Variants in IRX3 observed in about 807,000 individuals in gnomAD.
The protein encoded by IRX3 is iroquois-class homeodomain protein IRX-3.
A neutral mutation model predicts 36.4 loss-of-function variants in IRX3; 20 were observed. The ratio of observed to expected loss-of-function variants is 0.55; its 90% CI spans 0.39 to 0.80. The LOEUF (loss-of-function observed/expected upper bound fraction) is 0.80. Ranked by LOEUF, IRX3 falls within the 30% of genes least tolerant of loss-of-function variation. The pLI is 0.00. For missense variants in IRX3, 718 were observed against 733.2 expected (o/e 0.98, Z 0.24); for synonymous variants, 404 against 351.6 (o/e 1.15, Z -1.67).
chr16:54,285,179 C>G lies in IRX3; in HGVS notation c.702G>C (p.Gly234=), dbSNP rs755090625. 1.9e-6 allele frequency: 3 copies of G among 1,603,418 alleles called. No homozygotes were observed. In the South Asian group the frequency reaches 3.3e-5, roughly 18 times the overall value. The change falls in exon 2 of 4, where the codon GGG becomes GGC. Residue 234 remains glycine, a synonymous_variant. Transcript: ENST00000329734. The surrounding 1 kb of genome is among the most constrained non-coding windows in gnomAD (Gnocchi z 5.7). ...CGCCCCCCGTGTCCTCCTCCTCCCC[C>G]CCGAGCTCCTCCTCCTCCAGCTCTA... ...RELELEEEEL[G]GEEEDTGGEG...
chr16:54,285,184 G>A lies in IRX3; in HGVS notation c.697C>T (p.Leu233Phe), dbSNP rs1211692711. ...KRELELEEEE[L>F]GGEEEDTGGE... ...CCCGTGTCCTCCTCCTCCCCCCCGA[G>A]CTCCTCCTCCTCCAGCTCTAGCTCG... is the stretch of plus-strand genomic sequence containing the variant. The change falls in exon 2 of 4, where the codon CTC becomes TTC. Residue 233 changes from leucine (L) to phenylalanine (F), a missense_variant. This residue lies in a region of IRX3 where 468 missense variants were observed against 462.1 expected (regional missense o/e 1.01). Transcript: ENST00000329734. The surrounding 1 kb of genome is among the most constrained non-coding windows in gnomAD (Gnocchi z 5.7). 1 of 1,599,870 alleles carries A rather than the reference G, an allele frequency of 6.3e-7. No individual in the cohort carries two copies. Among genetic ancestry groups the A allele is most frequent in the Non-Finnish European group, 8.5e-7 (1 of 1,173,292 alleles).
Position 54,285,556 on chromosome 16 carries a change from C to A in IRX3, c.325G>T (p.Ala109Ser), listed in dbSNP as rs780709013. Residue 109 changes from alanine (A) to serine (S), a missense_variant, in exon 2 of 4, where the codon GCG becomes TCG. By Grantham distance (99) the Ala-to-Ser change is moderately conservative (BLOSUM62 1). Transcript: ENST00000329734. This position sits in a 1 kb window ranked among gnomAD's most constrained non-coding sequence, Gnocchi z 5.7. ...AAGGCGGGGTGCGGGTGCGGAAACG[C>A]GGCAGCCGCGGCCGGATGCTGCACC... ...PGVQHPAAAA[A>S]FPHPHPAFYP... The A allele has an allele frequency of 5.0e-6, 8 of 1,596,744 alleles. No individual in the cohort carries two copies. In the Admixed American group the frequency reaches 1.2e-4, roughly 24 times the overall value.
Position 54,284,921 on chromosome 16 carries a change from G to T in IRX3, c.960C>A (p.Ala320=), listed in dbSNP as rs749462155. Residue 320 remains alanine (A), a synonymous_variant, in exon 2 of 4, where the codon GCC becomes GCA. Transcript: ENST00000329734. This position sits in a 1 kb window ranked among gnomAD's most constrained non-coding sequence, Gnocchi z 4.0. ...LAPAPPPVAV[A]SPSLPSPPVS... ...CGGGGGGCGACGGCAGAGACGGCGA[G>T]GCCACGGCCACTGGTGGTGGCGCTG... 6.3e-7 allele frequency: 1 copy of T among 1,594,728 alleles called. No homozygotes were observed. Among genetic ancestry groups the T allele is most frequent in the Non-Finnish European group, 8.5e-7 (1 of 1,171,316 alleles).
rs1244484136 is a variant in IRX3 at position 54,286,273 on chromosome 16, C to T, written c.-223G>A. 7.0e-6 allele frequency: 7 copies of T among 1,002,260 alleles called. No homozygotes were observed. The highest frequency in any genetic ancestry group is 8.3e-6 in the Non-Finnish European group (7 of 841,562). 62.1% of individuals were successfully genotyped at this position (1,002,260 alleles called of 1,614,324 possible). A position where few individuals can be genotyped will look rare whatever the true frequency, so the allele number is the denominator to read the frequency against. The stretch of plus-strand genomic sequence containing the variant: ...GCCAGGTCAGGTCCGAACAGATTGG[C>T]GGAGATTCCCGGGGCTCCGGGCTCT... On this transcript the variant is annotated 5_prime_UTR_variant, in exon 1 of 4. Transcript: ENST00000329734.
rs753025533 is a variant in IRX3 at position 54,285,181 on chromosome 16, C to T, written c.700G>A (p.Gly234Arg). 8 of 1,602,828 alleles carry T rather than the reference C, an allele frequency of 5.0e-6. No homozygotes were observed. The highest frequency in any genetic ancestry group is 6.0e-6 in the Non-Finnish European group (7 of 1,174,666). ...RELELEEEEL[G>R]GEEEDTGGEG... ...CCCCCCGTGTCCTCCTCCTCCCCCC[C>T]GAGCTCCTCCTCCTCCAGCTCTAGC... is the stretch of plus-strand genomic sequence containing the variant. Residue 234 changes from glycine to arginine, a missense_variant, in exon 2 of 4, where the codon GGG becomes AGG. Around this residue, in one of 3 missense-constraint regions of IRX3, gnomAD observed 468 missense variants for 462.1 expected, o/e 1.01. Coordinates refer to ENST00000329734, the MANE Select transcript of IRX3 (RefSeq NM_024336.3). The surrounding 1 kb of genome is among the most constrained non-coding windows in gnomAD (Gnocchi z 5.7).
Position 54,284,945 on chromosome 16 carries a change from T to A in IRX3, c.936A>T (p.Pro312=), listed in dbSNP as rs371146591. 53 of 1,607,890 alleles carry A rather than the reference T, an allele frequency of 3.3e-5. No homozygotes were observed. The African/African-American group carries it at 7.0e-4, about 21-fold the overall frequency. The change falls in exon 2 of 4, where the codon CCA becomes CCT. Residue 312 remains proline (P), a synonymous_variant. Transcript: ENST00000329734. The surrounding 1 kb of genome is among the most constrained non-coding windows in gnomAD (Gnocchi z 4.0). ...AGGCCACGGCCACTGGTGGTGGCGCTGGAGCCAGACTCAGGACCGGTAGTG... is the reference window on the plus strand; with the variant it reads ...AGGCCACGGCCACTGGTGGTGGCGCAGGAGCCAGACTCAGGACCGGTAGTG... ...DRPLPVLSLA[P]APPPVAVASP... is the part of the protein sequence containing the mutation.
In IRX3 at chr16:54,283,976, A is replaced by G. The variant is rs150150836; in HGVS notation, c.1452-236T>C. 1.8e-3 allele frequency: 2,539 copies of G among 1,438,836 alleles called. 63 individuals are homozygous for G. The East Asian group carries it at 0.056, about 32-fold the overall frequency. The allele number at this position is 1,438,836 out of a possible 1,614,324, so 89.1% of individuals were successfully genotyped here. On this transcript the variant is annotated intron_variant, in intron 3 of 3. Coordinates refer to ENST00000329734, the MANE Select transcript of IRX3 (RefSeq NM_024336.3). This position sits in a 1 kb window ranked among gnomAD's most constrained non-coding sequence, Gnocchi z 4.4. ...GCGTCAGAGAACCGCCACCCGCCCC[A>G]GGGGCCTGTGGGCCCAGCCACGCAA... is the stretch of plus-strand genomic sequence containing the variant.
In IRX3 at chr16:54,285,692, T is replaced by C; in HGVS notation, c.268-79A>G. On this transcript the variant is annotated intron_variant, in intron 1 of 3. Transcript: ENST00000329734. The surrounding 1 kb of genome is among the most constrained non-coding windows in gnomAD (Gnocchi z 5.7). The stretch of plus-strand genomic sequence containing the variant: ...CCAGCCATCGCTGCCTCCCCCCTCC[T>C]GGCCTGCACCCCTCTAGTCCGGCCC... 7.5e-6 allele frequency: 11 copies of C among 1,461,214 alleles called. No homozygotes were observed. The highest frequency in any genetic ancestry group is 1.4e-5 in the South Asian group (1 of 70,210). 90.5% of individuals were successfully genotyped at this position (1,461,214 alleles called of 1,614,324 possible).
rs765428599 is a variant in IRX3 at position 54,285,266 on chromosome 16, A to G, written c.615T>C (p.Ala205=). Residue 205 remains alanine (A), a synonymous_variant, in exon 2 of 4, where the codon GCT becomes GCC. Transcript: ENST00000329734. This position sits in a 1 kb window ranked among gnomAD's most constrained non-coding sequence, Gnocchi z 5.7. ...PRSRTDEEGN[A]YGSEREEEDE... is the part of the protein sequence containing the mutation. ...CTTCCTCCTCGCGCTCGCTCCCATA[A>G]GCGTTTCCCTCCTCGTCAGTGCGGC... 1 of 1,613,238 alleles carries G rather than the reference A, an allele frequency of 6.2e-7. No homozygotes were observed. Among genetic ancestry groups the G allele is most frequent in the Non-Finnish European group, 8.5e-7 (1 of 1,179,844 alleles).
chr16:54,283,405 C>T lies in IRX3; in HGVS notation c.*281G>A, dbSNP rs376519502. The T allele has an allele frequency of 4.3e-4, 157 of 369,396 alleles. No homozygotes were observed. The South Asian group carries it at 4.7e-3, about 11-fold the overall frequency. 22.9% of individuals were successfully genotyped at this position (369,396 alleles called of 1,614,324 possible). A position where few individuals can be genotyped will look rare whatever the true frequency, so the allele number is the denominator to read the frequency against. The stretch of plus-strand genomic sequence containing the variant: ...GTACATTTCTCTGTATATATACACA[C>T]ACACAAAGGCAGACACGTTTATTCT... On this transcript the variant is annotated 3_prime_UTR_variant, in exon 4 of 4. Transcript: ENST00000329734. The surrounding 1 kb of genome is among the most constrained non-coding windows in gnomAD (Gnocchi z 4.4).
chr16:54,283,954 T>C lies in IRX3; in HGVS notation c.1452-214A>G, dbSNP rs1901241799. ...GTCTGGGGCTGGAAAGAGGTGGGCG[T>C]CAGAGAACCGCCACCCGCCCCAGGG... On this transcript the variant is annotated intron_variant, in intron 3 of 3. Transcript: ENST00000329734. This position sits in a 1 kb window ranked among gnomAD's most constrained non-coding sequence, Gnocchi z 4.4. The C allele has an allele frequency of 1.0e-6, 1 of 985,076 alleles. No individual in the cohort carries two copies. The highest frequency in any genetic ancestry group is 1.7e-5 in the African/African-American group (1 of 57,156). The allele number at this position is 985,076 out of a possible 1,614,324, so 61.0% of individuals were successfully genotyped here.
rs773727627 is a variant in IRX3, at chr16:54,285,218, G to T, written c.663C>A (p.Asp221Glu). 4 of 1,607,050 alleles carry T rather than the reference G, an allele frequency of 2.5e-6. No individual in the cohort carries two copies. The highest frequency in any genetic ancestry group is 3.4e-5 in the Admixed American group (2 of 58,660). Residue 221 changes from aspartate (D) to glutamate (E), a missense_variant, in exon 2 of 4, where the codon GAC becomes GAA. Transcript: ENST00000329734. The surrounding 1 kb of genome is among the most constrained non-coding windows in gnomAD (Gnocchi z 5.7). The part of the protein sequence containing the change: ...EEEDEEEDEE[D>E]GKRELELEEE... Reference sequence around the variant, plus strand: ...CCTCCAGCTCTAGCTCGCGTTTGCCGTCCTCCTCGTCCTCCTCTTCGTCTT... The same window carrying T: ...CCTCCAGCTCTAGCTCGCGTTTGCCTTCCTCCTCGTCCTCCTCTTCGTCTT...
At position 54,286,194 on chromosome 16, in the gene IRX3, G is replaced by A. The variant is rs1414917129; in HGVS notation, c.-144C>T. On this transcript the variant is annotated 5_prime_UTR_variant, in exon 1 of 4. Transcript: ENST00000329734. ...CCGCGCTGCGCTGTGCTCCGCGTTC[G>A]CCTATTGATCTGCTCCGCGGCGGCG... is the stretch of plus-strand genomic sequence containing the variant. 11 of 1,032,480 alleles carry A rather than the reference G, an allele frequency of 1.1e-5. No homozygotes were observed. The African/African-American group carries it at 1.2e-4, about 11-fold the overall frequency. 64.0% of individuals were successfully genotyped at this position (1,032,480 alleles called of 1,614,324 possible).
rs758966759 is a variant in IRX3 at position 54,284,353 on chromosome 16, G to A, written c.1385-41C>T. 1 of 1,578,754 alleles carries A rather than the reference G, an allele frequency of 6.3e-7. No homozygotes were observed. Among genetic ancestry groups the A allele is most frequent in the Non-Finnish European group, 8.6e-7 (1 of 1,165,628 alleles). ...GAAGAAAAAGGAGGGCCTTTAGAGC[G>A]CTCGGTGCCGGCGCCCAGGGCCGCA... On this transcript the variant is annotated intron_variant, in intron 2 of 3. Coordinates refer to ENST00000329734, the MANE Select transcript of IRX3 (RefSeq NM_024336.3). This position sits in a 1 kb window ranked among gnomAD's most constrained non-coding sequence, Gnocchi z 4.0.
rs572730868 is a variant in IRX3 at position 54,286,233 on chromosome 16, G to C, written c.-183C>G. On this transcript the variant is annotated 5_prime_UTR_variant, in exon 1 of 4. Transcript: ENST00000329734. ...TCCGCGGCGGCGACGGCGGCGGCGA[G>C]GGCGGCGGCGAGGAGCCAGGTCAGG... The C allele has an allele frequency of 9.9e-7, 1 of 1,011,828 alleles. No individual in the cohort carries two copies. Among genetic ancestry groups the C allele is most frequent in the Non-Finnish European group, 1.2e-6 (1 of 848,216 alleles). 62.7% of individuals were successfully genotyped at this position (1,011,828 alleles called of 1,614,324 possible). A position where few individuals can be genotyped will look rare whatever the true frequency, so the allele number is the denominator to read the frequency against.
chr16:54,286,275 G>A lies in IRX3; in HGVS notation c.-225C>T, dbSNP rs1901340086. The A allele has an allele frequency of 2.0e-6, 2 of 1,002,250 alleles. No individual in the cohort carries two copies. Among genetic ancestry groups the A allele is most frequent in the Non-Finnish European group, 2.4e-6 (2 of 841,414 alleles). 62.1% of individuals were successfully genotyped at this position (1,002,250 alleles called of 1,614,324 possible). A position where few individuals can be genotyped will look rare whatever the true frequency, so the allele number is the denominator to read the frequency against. Reference sequence around the variant, plus strand: ...CAGGTCAGGTCCGAACAGATTGGCGGAGATTCCCGGGGCTCCGGGCTCTGA... The same window carrying A: ...CAGGTCAGGTCCGAACAGATTGGCGAAGATTCCCGGGGCTCCGGGCTCTGA... On this transcript the variant is annotated 5_prime_UTR_variant, in exon 1 of 4. Coordinates refer to ENST00000329734, the MANE Select transcript of IRX3 (RefSeq NM_024336.3).
Position 54,286,428 on chromosome 16 carries a change from T to C in IRX3, c.-378A>G. The C allele has an allele frequency of 2.0e-6, 2 of 981,062 alleles. No homozygotes were observed. The highest frequency in any genetic ancestry group is 9.5e-5 in the South Asian group (2 of 21,158). 60.8% of individuals were successfully genotyped at this position (981,062 alleles called of 1,614,324 possible). On this transcript the variant is annotated 5_prime_UTR_variant, in exon 1 of 4. Coordinates refer to ENST00000329734, the MANE Select transcript of IRX3 (RefSeq NM_024336.3). ...TCTCCCCAGCAGTGTCGCGCCTCGC[T>C]TCCTTCGCCCTCCTCTAGTTTTCAC...
chr16:54,285,642 C>G lies in IRX3; in HGVS notation c.268-29G>C. 6.7e-7 allele frequency: 1 copy of G among 1,486,658 alleles called. No homozygotes were observed. Among genetic ancestry groups the G allele is most frequent in the Non-Finnish European group, 8.9e-7 (1 of 1,118,298 alleles). 92.1% of individuals were successfully genotyped at this position (1,486,658 alleles called of 1,614,324 possible). On this transcript the variant is annotated intron_variant, in intron 1 of 3. Transcript: ENST00000329734. The surrounding 1 kb of genome is among the most constrained non-coding windows in gnomAD (Gnocchi z 5.7). ...TACGCACATGGAGAAGGAAGGGACA[C>G]GCGCGGAGGGAGCGCGAGTGAGCCC...
In IRX3 at chr16:54,283,863, T is replaced by C. The variant is rs988275610; in HGVS notation, c.1452-123A>G. ...AGGAAGGTGTCGCAATGTAAAATTA[T>C]GTCCAGTTGTAGATGTGTGTGTTGG... On this transcript the variant is annotated intron_variant, in intron 3 of 3. Transcript: ENST00000329734. This position sits in a 1 kb window ranked among gnomAD's most constrained non-coding sequence, Gnocchi z 4.4. 11 of 1,538,352 alleles carry C rather than the reference T, an allele frequency of 7.2e-6. No individual in the cohort carries two copies. Among genetic ancestry groups the C allele is most frequent in the East Asian group, 2.4e-5 (1 of 41,534 alleles).
Sources: allele counts gnomAD v4.1 joint callset, GRCh38; gene constraint gnomAD v4.1.1; regional missense constraint gnomAD v4.1.1; non-coding constraint Gnocchi (gnomAD v3.1); transcripts MANE v1.5; gene names NCBI Gene and HGNC (gene_info 2026-07-23, HGNC 2026-07-21).